The following GPAM variants were observed in gnomAD, a reference collection of about 807,000 sequenced individuals.
The protein encoded by GPAM is glycerol-3-phosphate acyltransferase, mitochondrial.
Under a neutral mutation model 105.0 loss-of-function variants are expected in GPAM, and 56 were observed. The ratio of observed to expected loss-of-function variants is 0.53; its 90% CI spans 0.43 to 0.67. The LOEUF (loss-of-function observed/expected upper bound fraction) is 0.67. Among genes scored for constraint, GPAM ranks in the 30% least tolerant of loss-of-function variants. The pLI is 0.00. For missense variants in GPAM, 855 were observed against 989.8 expected, an observed-to-expected ratio of 0.86 and a Z score of 1.83; for synonymous variants, 368 against 354.4, an observed-to-expected ratio of 1.04 and a Z score of -0.43.
In GPAM at chr10:112,154,688, C is replaced by A. The variant is rs374846845; in HGVS notation, c.2312-1G>T. 1 of 1,602,210 alleles carries A rather than the reference C, an allele frequency of 6.2e-7. No individual in the cohort carries two copies. The highest frequency in any genetic ancestry group is 1.3e-5 in the African/African-American group (1 of 74,708). On this transcript the variant is annotated splice_acceptor_variant, in intron 20 of 21. Coordinates refer to ENST00000348367, the MANE Select transcript of GPAM (RefSeq NM_001244949.2). LOFTEE classifies it high-confidence loss of function. ...ACAAGACAATATGTGGCACTCTCAG[C>A]TGAAGAGAGAGAATAAAACCCTGTC...
Position 112,151,899 on chromosome 10 carries a change from A to G in GPAM, c.*1651T>C. On this transcript the variant is annotated 3_prime_UTR_variant, in exon 22 of 22. Coordinates refer to ENST00000348367, the MANE Select transcript of GPAM (RefSeq NM_001244949.2). ...TATCTCATTCAACATCAGAGCTACTACAACTGACAATGACTTCATGGTATA... is the reference window on the plus strand; with the variant it reads ...TATCTCATTCAACATCAGAGCTACTGCAACTGACAATGACTTCATGGTATA... The G allele has an allele frequency of 2.0e-6, 2 of 979,546 alleles. No homozygotes were observed. Among genetic ancestry groups the G allele is most frequent in the Non-Finnish European group, 2.4e-6 (2 of 824,588 alleles). 60.7% of individuals were successfully genotyped at this position (979,546 alleles called of 1,614,324 possible).
rs749457450 is a variant in GPAM at position 112,168,956 on chromosome 10, T to C, written c.795-4A>G. The C allele has an allele frequency of 2.0e-5, 30 of 1,534,640 alleles. No individual in the cohort carries two copies. The highest frequency in any genetic ancestry group is 1.2e-4 in the African/African-American group (9 of 73,452). On this transcript the variant is annotated splice_region_variant and splice_polypyrimidine_tract_variant and intron_variant, in intron 9 of 21. Transcript: ENST00000348367. ...CCCAAGCTTATGGATCAAGGTACTATAAATTCAGAATACATGAATTATTTA... is the reference window on the plus strand; with the variant it reads ...CCCAAGCTTATGGATCAAGGTACTACAAATTCAGAATACATGAATTATTTA...
rs767676906 is a variant in GPAM at position 112,160,053 on chromosome 10, G to A, written c.1760C>T (p.Ala587Val). The A allele has an allele frequency of 2.5e-6, 4 of 1,613,880 alleles. No homozygotes were observed. In the African/African-American group the frequency reaches 4.0e-5, roughly 16 times the overall value. ...LHVFIMEAIIACSLYAVLNKR... is the reference protein window; with the variant it reads ...LHVFIMEAIIVCSLYAVLNKR... ...GTTCAGAACTGCATAAAGGCTGCAAGCTAAGAAAAGAAAAGCAACAATGAA... is the reference window on the plus strand; with the variant it reads ...GTTCAGAACTGCATAAAGGCTGCAAACTAAGAAAAGAAAAGCAACAATGAA... The change falls in exon 17 of 22, where the codon GCT becomes GTT. Residue 587 changes from alanine to valine, a missense_variant and splice_region_variant. By Grantham distance (64) the Ala-to-Val change is moderately conservative (BLOSUM62 0). Coordinates refer to ENST00000348367, the MANE Select transcript of GPAM (RefSeq NM_001244949.2).
chr10:112,204,666 A>G (rs1333673090), intron 1 of GPAM, among the ~76,000 whole-genome samples: 1 of 151,978 alleles, frequency 6.6e-6, no homozygotes, highest in East Asian at 2.0e-4. Flanking sequence ...TGTTTATAGG[A>G]AAACAACAGA....
At chr10:112,183,152 C>T (rs1247231549) in intron 1 of GPAM, among the ~76,000 whole-genome samples, 1 of 152,178 alleles carries the variant, frequency 6.6e-6, no homozygotes, top group Non-Finnish European at 1.5e-5. Context: ...TTTTTTATTA[C>T]CATAAGTTGG....
Position 112,213,803 on chromosome 10 carries a change from C to G in GPAM, n.210+1365G>C, listed in dbSNP as rs950754843. On this transcript the variant is annotated intron_variant and non_coding_transcript_variant, in intron 1 of 3. Transcript: ENST00000480130. The stretch of plus-strand genomic sequence containing the variant: ...CTGAAAGAGTGTTTCTGTGGTGAGA[C>G]AGAGGTAGAGAAGGATGAGAAAAGA... 9.9e-5 allele frequency among the ~76,000 whole-genome samples: 15 copies of G among 152,010 alleles called. No homozygotes were observed. The East Asian group carries it at 2.7e-3, about 28-fold the overall frequency.
chr10:112,203,113 C>T (rs1286514998), intron 1 of GPAM, among the ~76,000 whole-genome samples: 2 of 151,996 alleles, frequency 1.3e-5, no homozygotes, highest in African/African-American at 4.8e-5. Context: ...GTAGGGGGAG[C>T]AGAGGGGAGG....
chr10:112,173,052 AC>A lies in GPAM; in HGVS notation c.574del (p.Val192CysfsTer3). ...SPAMIRLTGW[V>X]LLKLFNSFFW... ...GAAGCTGTTGAACAGTTTTAGCAGC[AC>A]CCACCCAGTCAGTCTGAAACAAAGT... On this transcript the variant is annotated frameshift_variant, in exon 8 of 22. Coordinates refer to ENST00000348367, the MANE Select transcript of GPAM (RefSeq NM_001244949.2). LOFTEE classifies it high-confidence loss of function. 1 of 1,598,006 alleles carries A rather than the reference AC, an allele frequency of 6.3e-7. No homozygotes were observed.
intron 6 of GPAM, among the ~76,000 whole-genome samples, chr10:112,175,064 T>C (rs921812683): frequency 6.6e-6 from 1 of 152,130 alleles, no homozygotes. Flanking sequence ...CAAACTCCCA[T>C]ATTCTAGAAT....
At chr10:112,178,182 G>C in intron 4 of GPAM, 125 bp from the exon 5 acceptor site, 1 of 637,688 alleles carries the variant, frequency 1.6e-6, no homozygotes, top group Admixed American at 2.8e-5. Context: ...AAAAATCTTA[G>C]GGAAGAAAAA....
In GPAM at chr10:112,151,113, G is replaced by GTTT; in HGVS notation, c.*2434_*2436dup. ...CTGCAGTTTCATGTTGTTTAATATT[G>GTTT]TTTTTTTTTTTTAACTTGACCACAG... On this transcript the variant is annotated 3_prime_UTR_variant, in exon 22 of 22. Coordinates refer to ENST00000348367, the MANE Select transcript of GPAM (RefSeq NM_001244949.2). The GTTT allele has an allele frequency of 2.0e-5, 15 of 740,134 alleles. No homozygotes were observed. Among genetic ancestry groups the GTTT allele is most frequent in the African/African-American group, 5.8e-5 (3 of 52,018 alleles). The allele number at this position is 740,134 out of a possible 1,614,324, so 45.8% of individuals were successfully genotyped here.
rs1846948544 is a variant in GPAM at position 112,153,063 on chromosome 10, T to C, written c.*487A>G. ...CTCCCATTAAAAATGTAGCTACTATTGACAGATAAAACTGAAAAAGAGTGA... is the reference window on the plus strand; with the variant it reads ...CTCCCATTAAAAATGTAGCTACTATCGACAGATAAAACTGAAAAAGAGTGA... On this transcript the variant is annotated 3_prime_UTR_variant, in exon 22 of 22. Coordinates refer to ENST00000348367, the MANE Select transcript of GPAM (RefSeq NM_001244949.2). 1 of 952,298 alleles carries C rather than the reference T, an allele frequency of 1.1e-6. No individual in the cohort carries two copies. The highest frequency in any genetic ancestry group is 1.3e-6 in the Non-Finnish European group (1 of 791,340). 59.0% of individuals were successfully genotyped at this position (952,298 alleles called of 1,614,324 possible).
Position 112,164,629 on chromosome 10 carries a change from C to T in GPAM, c.1222-19G>A, listed in dbSNP as rs745549115. 7.5e-7 allele frequency: 1 copy of T among 1,334,898 alleles called. No homozygotes were observed. The allele number at this position is 1,334,898 out of a possible 1,614,324, so 82.7% of individuals were successfully genotyped here. A position where few individuals can be genotyped will look rare whatever the true frequency, so the allele number is the denominator to read the frequency against. On this transcript the variant is annotated intron_variant, in intron 12 of 21. Coordinates refer to ENST00000348367, the MANE Select transcript of GPAM (RefSeq NM_001244949.2). ...AATATTCCTGGAGAAAAAAACACAA[C>T]ATGATCATTTACCCTCACTTTCGCA... is the stretch of plus-strand genomic sequence containing the variant.
chr10:112,151,875 A>G lies in GPAM; in HGVS notation c.*1675T>C, dbSNP rs1301007737. 1.0e-6 allele frequency: 1 copy of G among 983,382 alleles called. No individual in the cohort carries two copies. The highest frequency in any genetic ancestry group is 1.7e-5 in the African/African-American group (1 of 57,204). The allele number at this position is 983,382 out of a possible 1,614,324, so 60.9% of individuals were successfully genotyped here. On this transcript the variant is annotated 3_prime_UTR_variant, in exon 22 of 22. Transcript: ENST00000348367. ...GTAAAATGGAATGCTAAAACATGAT[A>G]TCTCATTCAACATCAGAGCTACTAC... is the stretch of plus-strand genomic sequence containing the variant.
chr10:112,163,549 C>A (rs368497985), intron 14 of GPAM, 152 bp downstream of exon 14: 174 of 654,986 alleles, frequency 2.7e-4, no homozygotes, highest in Admixed American at 5.1e-4. Context: ...CAAATCCTCA[C>A]GGTATCACCT....
At chr10:112,198,597 T>C (rs1046450255) in intron 1 of GPAM, among the ~76,000 whole-genome samples, 4 of 152,314 alleles carry the variant, frequency 2.6e-5, no homozygotes, top group East Asian at 1.9e-4. Context: ...ACAGCTATTA[T>C]GGAAAACAGT....
chr10:112,210,171 A>AAT (rs1336781706), intron 1 of GPAM, among the ~76,000 whole-genome samples: 2 of 152,254 alleles, frequency 1.3e-5, no homozygotes, highest in African/African-American at 2.4e-5. Context: ...GATGAGAGTG[A>AAT]ATATTTCATT....
At chr10:112,224,331 C>T in the GPAM span, among the ~76,000 whole-genome samples, 1,302 of 152,246 alleles carry the variant, frequency 8.6e-3, 26 homozygotes, top group African/African-American at 0.029. Context: ...CAACTAGGCC[C>T]AAAGTGCTGT....
Position 112,151,882 on chromosome 10 carries a change from T to C in GPAM, c.*1668A>G. ...GGAATGCTAAAACATGATATCTCAT[T>C]CAACATCAGAGCTACTACAACTGAC... On this transcript the variant is annotated 3_prime_UTR_variant, in exon 22 of 22. Transcript: ENST00000348367. The C allele has an allele frequency of 4.1e-6, 4 of 982,942 alleles. No homozygotes were observed. The highest frequency in any genetic ancestry group is 4.8e-6 in the Non-Finnish European group (4 of 827,692). 60.9% of individuals were successfully genotyped at this position (982,942 alleles called of 1,614,324 possible).
Sources: gnomAD v4.1 joint callset for allele counts (sites outside exome capture counted in the v4.1 genomes callset) on GRCh38, gnomAD v4.1.1 for gene constraint, MANE v1.5 for transcripts, NCBI Gene and HGNC (gene_info 2026-07-23, HGNC 2026-07-21) for gene names.